Variants in FRMPD4 observed in about 807,000 individuals in gnomAD.
FRMPD4 encodes FERM and PDZ domain-containing protein 4.
A neutral mutation model predicts 94.1 loss-of-function variants in FRMPD4; 22 were observed. The ratio of observed to expected loss-of-function variants is 0.23; its 90% CI spans 0.17 to 0.33. FRMPD4 has a LOEUF of 0.33. Ranked by LOEUF, FRMPD4 falls within the 10% of genes least tolerant of loss-of-function variation. FRMPD4 has a pLI of 1.00. For synonymous variants in FRMPD4, 631 were observed against 548.6 expected (o/e 1.15, Z -2.10); for missense variants, 1,111 against 1,339.9 (o/e 0.83, Z 2.67).
chrX:12,475,262 GC>G (rs1274437958), intron 1 of FRMPD4, among the ~76,000 whole-genome samples: 2 of 111,946 alleles, frequency 1.8e-5, no homozygotes, highest in East Asian at 5.6e-4. Flanking sequence ...AAATTCGACA[GC>G]CCTTCGTGCT....
chrX:12,416,825 C>T (rs977007202), intron 1 of FRMPD4, among the ~76,000 whole-genome samples: 11 of 111,633 alleles, frequency 9.9e-5, no homozygotes, highest in Admixed American at 9.5e-5. Flanking sequence ...TTTCCTTTAG[C>T]CACTTTACAA....
At chrX:12,030,421 G>T (rs187823279) in intron 3 of FRMPD4, among the ~76,000 whole-genome samples, 1 of 111,678 alleles carries the variant, frequency 9.0e-6, no homozygotes, top group Admixed American at 9.5e-5. Context: ...TTTTTTGTGG[G>T]GGGGAGGTCC....
At chrX:11,850,939 A>C (rs773898765) in intron 1 of FRMPD4, among the ~76,000 whole-genome samples, 16 of 112,492 alleles carry the variant, frequency 1.4e-4, no homozygotes, top group African/African-American at 5.2e-4. Context: ...ACACATGGTT[A>C]AGATGGTACA....
At position 12,707,753 on chromosome X, in the gene FRMPD4, C is replaced by G; in HGVS notation, c.1470+102C>G. 1.4e-5 allele frequency: 9 copies of G among 625,144 alleles called. No homozygotes were observed. The South Asian group carries it at 2.7e-4, about 19-fold the overall frequency. The allele number at this position is 625,144 out of a possible 1,213,427, so 51.5% of individuals were successfully genotyped here. A position where few individuals can be genotyped will look rare whatever the true frequency, so the allele number is the denominator to read the frequency against. ...CAGGCAAAAGTCAATGTGTGCAGAG[C>G]ATCACAGATGCAATGTGGTGCAGAA... On this transcript the variant is annotated intron_variant, in intron 13 of 16. Transcript: ENST00000675598.
intron 4 of FRMPD4, among the ~76,000 whole-genome samples, chrX:12,622,013 A>AG (rs1358938131): frequency 9.6e-3 from 472 of 49,122 alleles, no homozygotes; most frequent in Middle Eastern, 0.031. Context: ...AAAGAAAGAA[A>AG]GAAAGGAAGG....
intron 1 of FRMPD4, among the ~76,000 whole-genome samples, chrX:12,442,446 T>C (rs925328630): frequency 9.0e-6 from 1 of 111,630 alleles, no homozygotes; most frequent in African/African-American, 3.3e-5. Flanking sequence ...ATTTGACAAA[T>C]AGAAGTACTT....
At chrX:12,383,724 T>G (rs139510717) in intron 1 of FRMPD4, among the ~76,000 whole-genome samples, 81 of 111,672 alleles carry the variant, frequency 7.3e-4, no homozygotes, top group Middle Eastern at 4.6e-3. Context: ...CAGGCTCCTC[T>G]TTGAAACAAC....
At chrX:12,130,212 T>C (rs796743871) in intron 3 of FRMPD4, among the ~76,000 whole-genome samples, 1 of 111,011 alleles carries the variant, frequency 9.0e-6, no homozygotes, top group African/African-American at 3.3e-5. Context: ...AAATTCTAAG[T>C]TGGTTCTATG....
chrX:12,331,947 T>TA (rs2055413939), intron 1 of FRMPD4, among the ~76,000 whole-genome samples: 2 of 38,539 alleles, frequency 5.2e-5, no homozygotes, highest in Non-Finnish European at 8.5e-5. Flanking sequence ...AAATTATATA[T>TA]ATTTATATAC....
chrX:11,931,638 T>C (rs1299185021), intron 3 of FRMPD4, among the ~76,000 whole-genome samples: 5 of 112,509 alleles, frequency 4.4e-5, no homozygotes, highest in Admixed American at 9.4e-5. Flanking sequence ...GACTTAACTC[T>C]ACTGCATTCT....
intron 2 of FRMPD4, among the ~76,000 whole-genome samples, chrX:12,559,956 ACTTTT>A (rs1372596642): frequency 9.0e-6 from 1 of 111,427 alleles, no homozygotes; most frequent in Non-Finnish European, 1.9e-5. Context: ...GCAATAAAAG[ACTTTT>A]CTTTTACAAA....
intron 1 of FRMPD4, among the ~76,000 whole-genome samples, chrX:11,827,673 C>A (rs1016212007): frequency 8.9e-6 from 1 of 111,862 alleles, no homozygotes; most frequent in Non-Finnish European, 1.9e-5. Context: ...TTAAGGGAAT[C>A]AAAAAGCTGT....
chrX:11,890,921 G>A (rs1237405558), intron 3 of FRMPD4, among the ~76,000 whole-genome samples: 2 of 112,408 alleles, frequency 1.8e-5, no homozygotes, highest in Non-Finnish European at 3.8e-5. Context: ...AAGTGAAGAT[G>A]CTGGCACAGG....
At chrX:12,503,046 C>T (rs955946461) in intron 2 of FRMPD4, among the ~76,000 whole-genome samples, 2 of 112,026 alleles carry the variant, frequency 1.8e-5, no homozygotes, top group Non-Finnish European at 3.8e-5. Flanking sequence ...TGTTTGACTG[C>T]AAAGGTAGGG....
At chrX:12,526,864 C>T (rs992427143) in intron 2 of FRMPD4, among the ~76,000 whole-genome samples, 11 of 112,185 alleles carry the variant, frequency 9.8e-5, no homozygotes, top group African/African-American at 2.9e-4. Context: ...TACATATCAA[C>T]GAGAAATTAC....
At position 12,626,771 on chromosome X, in the gene FRMPD4, GAGCAA is replaced by G. The variant is rs2059350594; in HGVS notation, c.422+11892_422+11896del. 4.7e-5 allele frequency among the ~76,000 whole-genome samples: 5 copies of G among 106,844 alleles called. No individual in the cohort carries two copies. In the South Asian group the frequency reaches 2.2e-3, roughly 48 times the overall value. The allele number at this position is 106,844 out of a possible 115,157, so 92.8% of individuals were successfully genotyped here. ...GATGGGAGATTGGCAAGACTATTCA[GAGCAA>G]AATAGGCCATTTAGAAGGGATCCAT... On this transcript the variant is annotated intron_variant, in intron 4 of 16. Coordinates refer to ENST00000675598, the MANE Select transcript of FRMPD4 (RefSeq NM_001368397.1).
intron 2 of FRMPD4, among the ~76,000 whole-genome samples, chrX:12,544,573 A>T (rs1215730794): frequency 8.9e-6 from 1 of 112,003 alleles, no homozygotes; most frequent in Admixed American, 9.5e-5. Context: ...AGTTACTGAG[A>T]TGACTTTTAA....
intron 1 of FRMPD4, among the ~76,000 whole-genome samples, chrX:12,146,320 C>T (rs998160610): frequency 1.8e-5 from 2 of 109,587 alleles, no homozygotes; most frequent in Admixed American, 9.7e-5. Flanking sequence ...GCTGAGATTG[C>T]GCCACTGTGC....
At chrX:12,350,241 C>T (rs1296182954) in intron 1 of FRMPD4, among the ~76,000 whole-genome samples, 2 of 111,500 alleles carry the variant, frequency 1.8e-5, no homozygotes, top group Non-Finnish European at 3.8e-5. Context: ...CCTTTTGTTC[C>T]TTATTCCCTT....
Sources: gnomAD v4.1 joint callset for allele counts (sites outside exome capture counted in the v4.1 genomes callset) on GRCh38, gnomAD v4.1.1 for gene constraint, MANE v1.5 for transcripts, NCBI Gene and HGNC (gene_info 2026-07-23, HGNC 2026-07-21) for gene names.